Variants in LPIN3 observed in about 807,000 individuals in gnomAD.
The protein encoded by LPIN3 is lipin 3, also known as phosphatidate phosphatase LPIN3.
Under a neutral mutation model 94.7 loss-of-function variants are expected in LPIN3, and 82 were observed. That is an observed-to-expected ratio of 0.87 (90% CI 0.72 to 1.04). The LOEUF is 1.04. LPIN3 is among the 50% of genes least tolerant of loss of function. The pLI, the probability that LPIN3 is intolerant of heterozygous loss-of-function variation, is 0.00. For missense variants in LPIN3, 996 were observed against 1,090.5 expected (o/e 0.91, Z 1.22); for synonymous variants, 418 against 443.3 (o/e 0.94, Z 0.72).
chr20:41,342,889 C>T (rs2045637406), intron 1 of LPIN3, among the ~76,000 whole-genome samples: 1 of 152,200 alleles, frequency 6.6e-6, no homozygotes, highest in Non-Finnish European at 1.5e-5. Context: ...TGAGGCCAGC[C>T]AGTTACTTGC....
At chr20:41,350,764 C>T (rs1311678628) in intron 7 of LPIN3, among the ~76,000 whole-genome samples, 1 of 152,150 alleles carries the variant, frequency 6.6e-6, no homozygotes, top group Admixed American at 6.5e-5. Context: ...AGAGAAGTTT[C>T]ATGTCCAGAA....
In LPIN3 at chr20:41,357,090, C is replaced by T. The variant is rs1281008781; in HGVS notation, c.1854C>T (p.Thr618=). The change falls in exon 15 of 20, where the codon ACC becomes ACT. Residue 618 remains threonine (T), a synonymous_variant. Transcript: ENST00000373257. ...CCAATGATGTGGTCTTCAGCGTGAC[C>T]ACTCAGTACCAGGGCACCTGCCGCT... The part of the protein sequence containing the change: ...EGANDVVFSV[T]TQYQGTCRCK... 1 of 1,614,054 alleles carries T rather than the reference C, an allele frequency of 6.2e-7. No individual in the cohort carries two copies.
Position 41,349,873 on chromosome 20 carries a change from G to T in LPIN3, c.738G>T (p.Trp246Cys), listed in dbSNP as rs1282610150. 1.2e-6 allele frequency: 2 copies of T among 1,613,232 alleles called. No individual in the cohort carries two copies. Among genetic ancestry groups the T allele is most frequent in the African/African-American group, 2.7e-5 (2 of 74,926 alleles). The change falls in exon 6 of 20, where the codon TGG becomes TGT. Residue 246 changes from tryptophan (W) to cysteine (C), a missense_variant. Trp to Cys is a radical substitution (Grantham distance 215). Transcript: ENST00000373257. The stretch of plus-strand genomic sequence containing the variant: ...TAAGAGCCGAGTCCCACATGCAGTG[G>T]GCCTGGGGGAGGCTGCCTAAGGTGA... ...SPLRAESHMQ[W>C]AWGRLPKVAR...
chr20:41,349,691 G>A, intron 5 of LPIN3, 83 bp from the exon 6 acceptor site: 2 of 1,502,488 alleles, frequency 1.3e-6, no homozygotes, highest in Non-Finnish European at 1.8e-6. Flanking sequence ...AATATAGGTT[G>A]CACATATTTT....
chr20:41,348,698 G>A lies in LPIN3; in HGVS notation c.368G>A (p.Gly123Asp). Reference sequence around the variant, plus strand: ...GGCTTCCCCTCGGACTCCCAGCTGGGCACTGCCAGTGAGCCTGAGGGCCTC... The same window carrying A: ...GGCTTCCCCTCGGACTCCCAGCTGGACACTGCCAGTGAGCCTGAGGGCCTC... ...LSGFPSDSQL[G>D]TASEPEGLVM... Residue 123 changes from glycine (G) to aspartate (D), a missense_variant, in exon 4 of 20, where the codon GGC becomes GAC. Coordinates refer to ENST00000373257, the MANE Select transcript of LPIN3 (RefSeq NM_022896.3). 6.2e-7 allele frequency: 1 copy of A among 1,613,982 alleles called. No individual in the cohort carries two copies. The highest frequency in any genetic ancestry group is 1.1e-5 in the South Asian group (1 of 91,056).
chr20:41,357,720 G>A lies in LPIN3; in HGVS notation c.2040-162G>A, dbSNP rs56003481. Among the ~76,000 whole-genome samples, 818 of 152,324 alleles carry A rather than the reference G, an allele frequency of 5.4e-3. 4 individuals carry two copies. Among genetic ancestry groups the A allele is most frequent in the Non-Finnish European group, 9.8e-3 (667 of 68,020 alleles). On this transcript the variant is annotated intron_variant, in intron 16 of 19. Coordinates refer to ENST00000373257, the MANE Select transcript of LPIN3 (RefSeq NM_022896.3). ...CCCAGGCCTCAGGACTCTGTGCACC[G>A]TCCAGCTGAGTCCACTGCCTGGCCG...
Position 41,358,876 on chromosome 20 carries a change from G to T in LPIN3, c.*10G>T, listed in dbSNP as rs771275441. On this transcript the variant is annotated 3_prime_UTR_variant, in exon 20 of 20. Transcript: ENST00000373257. ...TGATACCCTGGACTGAACCTGCCCT[G>T]GCTGGCTCCTCCTCCCTGGCCCGGC... 1 of 1,613,746 alleles carries T rather than the reference G, an allele frequency of 6.2e-7. No homozygotes were observed. Among genetic ancestry groups the T allele is most frequent in the Admixed American group, 1.7e-5 (1 of 59,970 alleles).
At position 41,349,762 on chromosome 20, in the gene LPIN3, T is replaced by C; in HGVS notation, c.639-12T>C. 6.2e-7 allele frequency: 1 copy of C among 1,608,398 alleles called. No individual in the cohort carries two copies. On this transcript the variant is annotated splice_polypyrimidine_tract_variant and intron_variant, in intron 5 of 19. Transcript: ENST00000373257. ...TAGGCAGGCTCAAGGCCTCTCAATA[T>C]GTCTCCTGCAGCCTCTCAGCAGGTG...
In LPIN3 at chr20:41,342,454, G is replaced by A. The variant is rs78550652; in HGVS notation, c.-9+1452G>A. ...TAGTGACTAGTCCTAAGGGGTATTCGGCTTCCTGGGAAGGTGTGAGGAGTG... is the reference window on the plus strand; with the variant it reads ...TAGTGACTAGTCCTAAGGGGTATTCAGCTTCCTGGGAAGGTGTGAGGAGTG... On this transcript the variant is annotated intron_variant, in intron 1 of 19. Coordinates refer to ENST00000373257, the MANE Select transcript of LPIN3 (RefSeq NM_022896.3). Among the ~76,000 whole-genome samples, 1,171 of 152,250 alleles carry A rather than the reference G, an allele frequency of 7.7e-3. 11 individuals are homozygous for A. The highest frequency in any genetic ancestry group is 0.027 in the African/African-American group (1,105 of 41,546).
rs901047757 is a variant in LPIN3 at position 41,349,866 on chromosome 20, T to C, written c.731T>C (p.Met244Thr). The change falls in exon 6 of 20, where the codon ATG becomes ACG. Residue 244 changes from methionine (M) to threonine (T), a missense_variant. Coordinates refer to ENST00000373257, the MANE Select transcript of LPIN3 (RefSeq NM_022896.3). ...EPSPLRAESH[M>T]QWAWGRLPKV... ...AGTCCCCTAAGAGCCGAGTCCCACA[T>C]GCAGTGGGCCTGGGGGAGGCTGCCT... 4.3e-6 allele frequency: 7 copies of C among 1,613,498 alleles called. No homozygotes were observed. The highest frequency in any genetic ancestry group is 5.9e-6 in the Non-Finnish European group (7 of 1,179,976).
chr20:41,350,733 G>T (rs191606990), intron 7 of LPIN3, among the ~76,000 whole-genome samples: 40 of 152,304 alleles, frequency 2.6e-4, no homozygotes, highest in Admixed American at 2.5e-3. Context: ...GAAACAGTAT[G>T]TGCCAGGGAT....
At chr20:41,348,955 G>T in intron 4 of LPIN3, 68 bp downstream of exon 4, 1 of 1,583,172 alleles carries the variant, frequency 6.3e-7, no homozygotes, top group Admixed American at 1.7e-5. Context: ...TGCTCATGCT[G>T]TGTGACTTTG....
At chr20:41,358,608 G>C (rs969963838) in intron 19 of LPIN3, 66 bp downstream of exon 19, 20 of 1,604,248 alleles carry the variant, frequency 1.2e-5, no homozygotes, top group Non-Finnish European at 1.7e-5. Context: ...TTCTCCCTGG[G>C]CCCCAATTTT....
intron 14 of LPIN3, 88 bp downstream of exon 14, chr20:41,356,122 C>G: frequency 6.5e-7 from 1 of 1,534,124 alleles, no homozygotes; most frequent in Non-Finnish European, 8.8e-7. Context: ...AGAAATGGCT[C>G]CAGGGAGCCA....
rs1324157689 is a variant in LPIN3 at position 41,359,541 on chromosome 20, C to G, written c.*675C>G. ...AGAAGAGGGAGGCCCTACCGAGGCT[C>G]GAGGCTTCAGTGAAGGGTGACAGCA... On this transcript the variant is annotated 3_prime_UTR_variant, in exon 20 of 20. Transcript: ENST00000373257. The G allele has an allele frequency of 6.6e-6, 1 of 152,244 alleles. No individual in the cohort carries two copies. Among genetic ancestry groups the G allele is most frequent in the Non-Finnish European group, 1.5e-5 (1 of 68,122 alleles). The allele number at this position is 152,244 out of a possible 1,614,324, so 9.4% of individuals were successfully genotyped here.
rs954238011 is a variant in LPIN3, at chr20:41,356,953, G to A, written c.1804-87G>A. 10 of 1,493,668 alleles carry A rather than the reference G, an allele frequency of 6.7e-6. No individual in the cohort carries two copies. In the Admixed American group the frequency reaches 1.3e-4, roughly 19 times the overall value. 92.5% of individuals were successfully genotyped at this position (1,493,668 alleles called of 1,614,324 possible). ...AGGAAGAGGAGAATGAGAGGCCCGA[G>A]GGGATCGGAGGCCACGGCGTAAGGG... On this transcript the variant is annotated intron_variant, in intron 14 of 19. Coordinates refer to ENST00000373257, the MANE Select transcript of LPIN3 (RefSeq NM_022896.3).
intron 3 of LPIN3, 51 bp from the exon 4 acceptor site, chr20:41,348,568 G>A (rs771246379): frequency 7.7e-6 from 12 of 1,555,784 alleles, no homozygotes; most frequent in South Asian, 2.5e-5. Flanking sequence ...TGTGGTGAGC[G>A]CAGCCCCACT....
chr20:41,353,851 G>T (rs1278822248), intron 11 of LPIN3, among the ~76,000 whole-genome samples: 2 of 152,234 alleles, frequency 1.3e-5, no homozygotes, highest in Admixed American at 1.3e-4. Context: ...CCTCTGGCTG[G>T]TACAGGGTCT....
At chr20:41,347,336 G>C (rs1397023643) in intron 2 of LPIN3, among the ~76,000 whole-genome samples, 1 of 152,206 alleles carries the variant, frequency 6.6e-6, no homozygotes, top group African/African-American at 2.4e-5. Context: ...GGGAGAGATG[G>C]GTAGGGAGCT....
Sources: gnomAD v4.1 joint callset for allele counts (sites outside exome capture counted in the v4.1 genomes callset) on GRCh38, gnomAD v4.1.1 for gene constraint, MANE v1.5 for transcripts, NCBI Gene and HGNC (gene_info 2026-07-23, HGNC 2026-07-21) for gene names.